Variants in NPIPB9 observed in about 807,000 individuals in gnomAD.
NPIPB9 encodes the protein nuclear pore complex interacting protein family member B9, also known as nuclear pore complex-interacting protein family member B9.
In NPIPB9, 1 loss-of-function variant was observed where a neutral mutation model predicts 5.6. The observed-to-expected ratio is 0.18, with a 90% confidence interval of 0.06 to 0.84. The LOEUF (loss-of-function observed/expected upper bound fraction) is 0.84. NPIPB9 is among the 40% of genes least tolerant of loss of function. The pLI, the probability that NPIPB9 is intolerant of heterozygous loss-of-function variation, is 0.70. For missense variants in NPIPB9, 3 were observed against 39.1 expected, an observed-to-expected ratio of 0.08 and a Z score of 2.46; for synonymous variants, 2 against 12.5, an observed-to-expected ratio of 0.16 and a Z score of 1.77.
chr16:28,769,452 C>T (rs2049318446), intron 5 of NPIPB9: 1 of 330,166 alleles, frequency 3.0e-6, no homozygotes, highest in East Asian at 2.3e-4. Flanking sequence ...ATTTCTCTCC[C>T]TTCTAACCTG....
At position 28,767,069 on chromosome 16, in the gene NPIPB9, C is replaced by T. The variant is rs1323417449; in HGVS notation, c.590+580C>T. On this transcript the variant is annotated intron_variant, in intron 5 of 7. Transcript: ENST00000550983. ...ATTTTGAGATAGAATCTCGCTCTGTCGCCCAGGCTGGAGTGGTATGGTGCA... is the reference window on the plus strand; with the variant it reads ...ATTTTGAGATAGAATCTCGCTCTGTTGCCCAGGCTGGAGTGGTATGGTGCA... Among the ~76,000 whole-genome samples the T allele has an allele frequency of 4.2e-4, 23 of 54,520 alleles. 8 individuals carry two copies. The highest frequency in any genetic ancestry group is 1.9e-3 in the Admixed American group (9 of 4,722). 35.8% of individuals were successfully genotyped at this position (54,520 alleles called of 152,430 possible). A position where few individuals can be genotyped will look rare whatever the true frequency, so the allele number is the denominator to read the frequency against.
chr16:28,756,449 T>G (rs1387387265), intron 1 of NPIPB9, among the ~76,000 whole-genome samples: 2 of 113,214 alleles, frequency 1.8e-5, no homozygotes, highest in South Asian at 5.2e-4. Flanking sequence ...GTGATCCGCC[T>G]GCCTCAGCCT....
intron 5 of NPIPB9, among the ~76,000 whole-genome samples, chr16:28,766,974 C>T (rs2049239752): frequency 3.7e-5 from 3 of 80,238 alleles, no homozygotes; most frequent in African/African-American, 1.4e-4. Flanking sequence ...AATCCACCTG[C>T]CTCAGCCTCC....
At chr16:28,754,797 C>G (rs562495591) in intron 1 of NPIPB9, among the ~76,000 whole-genome samples, 1,574 of 142,874 alleles carry the variant, frequency 0.011, 62 homozygotes, top group African/African-American at 0.037. Context: ...TTATCCTCAG[C>G]CAGGTGGAGT....
rs199993569 is a variant in NPIPB9 at position 28,756,295 on chromosome 16, C to A, written c.26-1703C>A. 5.0e-3 allele frequency among the ~76,000 whole-genome samples: 661 copies of A among 131,998 alleles called. 19 individuals are homozygous for A. The East Asian group carries it at 0.11, about 21-fold the overall frequency. The allele number at this position is 131,998 out of a possible 152,430, so 86.6% of individuals were successfully genotyped here. On this transcript the variant is annotated intron_variant, in intron 1 of 7. Transcript: ENST00000550983. ...TCTCGGCTCACTGCAACCTCCGCCT[C>A]CCGGGTCCAAGGGATTGTCCTGCCT...
At chr16:28,769,676 T>C (rs1238226396) in intron 5 of NPIPB9, 2 of 775,010 alleles carry the variant, frequency 2.6e-6, no homozygotes, top group African/African-American at 3.9e-5. Context: ...AAACAAACGG[T>C]CAGAAGACAT....
At chr16:28,765,325 A>G (rs1428628997) in intron 3 of NPIPB9, among the ~76,000 whole-genome samples, 1 of 17,260 alleles carries the variant, frequency 5.8e-5, no homozygotes, top group Non-Finnish European at 9.5e-5. Context: ...GATGGTCTCC[A>G]TCTCTTGACC....
intron 5 of NPIPB9, among the ~76,000 whole-genome samples, chr16:28,767,195 T>A (rs2049257114): frequency 2.5e-5 from 1 of 40,054 alleles, no homozygotes; most frequent in South Asian, 7.5e-4. Context: ...ATTCGGCCAA[T>A]TTTTTTTTTT....
intron 2 of NPIPB9, among the ~76,000 whole-genome samples, chr16:28,760,341 T>C (rs2049030787): frequency 1.8e-5 from 1 of 55,398 alleles, no homozygotes; most frequent in African/African-American, 6.8e-5. Flanking sequence ...TTTTTTTTTT[T>C]TTGAGACAGA....
chr16:28,753,571 CATATAG>C (rs1248546345), intron 1 of NPIPB9, among the ~76,000 whole-genome samples: 2 of 56,254 alleles, frequency 3.6e-5, no homozygotes, highest in African/African-American at 1.3e-4. Context: ...CACACACACA[CATATAG>C]AGAGAGAGAC....
intron 5 of NPIPB9, among the ~76,000 whole-genome samples, chr16:28,770,122 TTTTTTGTTTTTG>T (rs1353639278): frequency 1.2e-3 from 144 of 118,480 alleles, no homozygotes; most frequent in South Asian, 4.6e-3. Flanking sequence ...ACCGTACAGT[TTTTTTGTTTTTG>T]TTTTTGTTTT....
chr16:28,756,194 CTTTT>C (rs753440338), intron 1 of NPIPB9, among the ~76,000 whole-genome samples: 1 of 87,932 alleles, frequency 1.1e-5, no homozygotes, highest in Non-Finnish European at 2.7e-5. Flanking sequence ...AAATCTAGGG[CTTTT>C]TTTTTTTTTT....
chr16:28,769,872 GTGT>G (rs1417537984), intron 5 of NPIPB9, among the ~76,000 whole-genome samples: 4 of 140,904 alleles, frequency 2.8e-5, no homozygotes, highest in African/African-American at 1.0e-4. Flanking sequence ...TTAGGAAAGT[GTGT>G]TGTTGTAGGA....
Position 28,752,420 on chromosome 16 carries a change from T to A in NPIPB9, c.-148T>A, listed in dbSNP as rs568704281. 487 of 1,394,968 alleles carry A rather than the reference T, an allele frequency of 3.5e-4. 31 individuals carry two copies. Among genetic ancestry groups the A allele is most frequent in the South Asian group, 2.4e-3 (198 of 81,130 alleles). The allele number at this position is 1,394,968 out of a possible 1,614,324, so 86.4% of individuals were successfully genotyped here. On this transcript the variant is annotated 5_prime_UTR_variant, in exon 1 of 8. Coordinates refer to ENST00000550983, the Ensembl canonical transcript of NPIPB9. ...TTCCACTCATTCAACACTTTTTTTT[T>A]AAATTATCTAATAGGTTGGCACTCA...
At chr16:28,765,781 GTC>G (rs2049169461) in intron 3 of NPIPB9, among the ~76,000 whole-genome samples, 1 of 105,116 alleles carries the variant, frequency 9.5e-6, no homozygotes, top group Admixed American at 1.0e-4. Context: ...GTGTGACAGA[GTC>G]TCATTCTGTC....
intron 2 of NPIPB9, among the ~76,000 whole-genome samples, chr16:28,758,363 ATCT>A (rs1257599655): frequency 1.9e-5 from 2 of 102,976 alleles, no homozygotes; most frequent in Non-Finnish European, 4.2e-5. Context: ...TGCTTCCCTG[ATCT>A]TCTCCGTGAC....
At chr16:28,753,607 C>A (rs2048712909) in intron 1 of NPIPB9, among the ~76,000 whole-genome samples, 1 of 58,882 alleles carries the variant, frequency 1.7e-5, no homozygotes, top group South Asian at 1.5e-3. Context: ...CTCTGTCGCC[C>A]AGGCTGGAGT....
In NPIPB9 at chr16:28,752,536, A is replaced by G. The variant is rs765108942; in HGVS notation, c.-32A>G. Reference sequence around the variant, plus strand: ...GTCGCATGACCAGAGCCAGTTCACCAAGGAGCTGCAGCAGCATGTAAAGTC... The same window carrying G: ...GTCGCATGACCAGAGCCAGTTCACCGAGGAGCTGCAGCAGCATGTAAAGTC... On this transcript the variant is annotated 5_prime_UTR_variant, in exon 1 of 8. Coordinates refer to ENST00000550983, the Ensembl canonical transcript of NPIPB9. 1.3e-5 allele frequency: 18 copies of G among 1,375,206 alleles called. 5 individuals carry two copies. Among genetic ancestry groups the G allele is most frequent in the Non-Finnish European group, 1.8e-5 (18 of 1,005,116 alleles). 85.2% of individuals were successfully genotyped at this position (1,375,206 alleles called of 1,614,324 possible). A position where few individuals can be genotyped will look rare whatever the true frequency, so the allele number is the denominator to read the frequency against.
chr16:28,758,568 TCCCC>T (rs2048936595), intron 2 of NPIPB9: 3 of 44,610 alleles, frequency 6.7e-5, no homozygotes, highest in Non-Finnish European at 1.3e-4. Flanking sequence ...CCCCTCCCCC[TCCCC>T]TTCCCCTCCC....
Sources: allele counts gnomAD v4.1 joint callset (sites outside exome capture counted in the v4.1 genomes callset), GRCh38; gene constraint gnomAD v4.1.1; transcripts MANE v1.5; gene names NCBI Gene and HGNC (gene_info 2026-07-23, HGNC 2026-07-21).